C13orf46: variants seen among roughly 807,000 people sequenced by gnomAD.
The protein encoded by C13orf46 is chromosome 13 open reading frame 46.
chr13:113,972,664 CAG>C (rs776665081), intron 1 of C13orf46, among the ~76,000 whole-genome samples: 19 of 152,204 alleles, frequency 1.2e-4, no homozygotes, highest in Non-Finnish European at 2.2e-4. Context: ...TGGACCGACA[CAG>C]GGGCAGCCTA....
the C13orf46 span, among the ~76,000 whole-genome samples, chr13:113,943,711 T>G: frequency 6.6e-6 from 1 of 152,112 alleles, no homozygotes; most frequent in Non-Finnish European, 1.5e-5. Flanking sequence ...GGAACCTTAG[T>G]GTTTTATTTT....
At chr13:113,935,084 C>T in the C13orf46 span, among the ~76,000 whole-genome samples, 7 of 152,222 alleles carry the variant, frequency 4.6e-5, no homozygotes, top group Non-Finnish European at 5.9e-5. Context: ...ATTTTGCTTC[C>T]GACGTTACAA....
At chr13:113,972,674 C>A (rs1566426123) in intron 1 of C13orf46, among the ~76,000 whole-genome samples, 1 of 152,230 alleles carries the variant, frequency 6.6e-6, no homozygotes, top group African/African-American at 2.4e-5. Flanking sequence ...CAGGGGCAGC[C>A]TACACGTTTC....
At chr13:113,959,045 G>A (rs1384886428) in intron 6 of C13orf46, among the ~76,000 whole-genome samples, 4 of 152,198 alleles carry the variant, frequency 2.6e-5, no homozygotes, top group African/African-American at 9.7e-5. Context: ...GGGAGGTTGA[G>A]GCAGGTGGAT....
chr13:113,957,407 A>G (rs1289598211), intron 6 of C13orf46, among the ~76,000 whole-genome samples: 15 of 94,772 alleles, frequency 1.6e-4, no homozygotes, highest in African/African-American at 5.2e-4. Context: ...CTCTGCCTGC[A>G]CCCCCTTTCA....
At chr13:113,939,641 C>A in the C13orf46 span, among the ~76,000 whole-genome samples, 1 of 152,206 alleles carries the variant, frequency 6.6e-6, no homozygotes, top group Non-Finnish European at 1.5e-5. Flanking sequence ...GCTCCAGGTT[C>A]TTAGCCGTGA....
chr13:113,963,223 C>T (rs1391862343), intron 6 of C13orf46, among the ~76,000 whole-genome samples: 2 of 149,786 alleles, frequency 1.3e-5, no homozygotes, highest in African/African-American at 4.9e-5. Flanking sequence ...CTGTCCTCAG[C>T]CTCGGCCCCT....
chr13:113,964,052 T>C (rs2052614186), intron 6 of C13orf46, among the ~76,000 whole-genome samples: 1 of 152,208 alleles, frequency 6.6e-6, no homozygotes, highest in African/African-American at 2.4e-5. Flanking sequence ...GGTTTCACCA[T>C]GTTGGCCAGG....
intron 4 of C13orf46, 73 bp from the exon 5 acceptor site, chr13:113,967,461 G>A (rs2052661175): frequency 6.6e-6 from 1 of 152,326 alleles, no homozygotes; most frequent in Non-Finnish European, 1.5e-5. Flanking sequence ...TTCCCTGGGA[G>A]GAACAGTGGC....
At chr13:113,966,439 G>A (rs2052649226) in intron 5 of C13orf46, among the ~76,000 whole-genome samples, 1 of 150,352 alleles carries the variant, frequency 6.7e-6, no homozygotes, top group Non-Finnish European at 1.5e-5. Context: ...GATGGTGATG[G>A]TATTAATGGT....
downstream of C13orf46, among the ~76,000 whole-genome samples, chr13:113,948,730 A>C (rs1248125766): frequency 6.6e-6 from 1 of 152,240 alleles, no homozygotes; most frequent in African/African-American, 2.4e-5. Flanking sequence ...CTCAGTGTGC[A>C]TGAGCTTATC....
At chr13:113,950,633 C>T (rs988501080), downstream of C13orf46, among the ~76,000 whole-genome samples, 1,442 of 152,334 alleles carry the variant, frequency 9.5e-3, 12 homozygotes, top group Non-Finnish European at 0.013. Context: ...CATTGCAACA[C>T]GGAGAGTTGA....
At chr13:113,933,195 A>C in the C13orf46 span, among the ~76,000 whole-genome samples, 1 of 152,176 alleles carries the variant, frequency 6.6e-6, no homozygotes, top group Non-Finnish European at 1.5e-5. Flanking sequence ...GGTGTGAGGT[A>C]AGGGTTTTGA....
chr13:113,965,836 ATGG>A (rs1320939413), intron 5 of C13orf46, among the ~76,000 whole-genome samples: 25 of 69,130 alleles, frequency 3.6e-4, no homozygotes, highest in South Asian at 1.5e-3. Flanking sequence ...GATAATGGTG[ATGG>A]TGATGATGGT....
Position 113,966,112 on chromosome 13 carries a change from TG to T in C13orf46, c.505-1119del. 3.3e-5 allele frequency among the ~76,000 whole-genome samples: 2 copies of T among 59,822 alleles called. 1 individual carries two copies. Among genetic ancestry groups the T allele is most frequent in the South Asian group, 1.6e-3 (2 of 1,252 alleles). 39.2% of individuals were successfully genotyped at this position (59,822 alleles called of 152,430 possible). A position where few individuals can be genotyped will look rare whatever the true frequency, so the allele number is the denominator to read the frequency against. ...GTATTAATGATGGTGATGATGATGA[TG>T]GTGATGATGGTGATTATAATGGTGA... On this transcript the variant is annotated intron_variant, in intron 5 of 6. Transcript: ENST00000636427.
At position 113,968,777 on chromosome 13, in the gene C13orf46, G is replaced by A. The variant is rs1566423241; in HGVS notation, c.243-17C>T. 1.3e-5 allele frequency: 2 copies of A among 152,504 alleles called. No homozygotes were observed. Among genetic ancestry groups the A allele is most frequent in the East Asian group, 3.9e-4 (2 of 5,178 alleles). The allele number at this position is 152,504 out of a possible 1,614,324, so 9.4% of individuals were successfully genotyped here. The stretch of plus-strand genomic sequence containing the variant: ...TTTTTCTGACTGCGGGAGGAGCAGG[G>A]AAAGTGGTTTGGAAGAGACGGCAGA... On this transcript the variant is annotated splice_polypyrimidine_tract_variant and intron_variant, in intron 2 of 6. Transcript: ENST00000636427.
chr13:113,962,189 G>A (rs1483440432), intron 6 of C13orf46, among the ~76,000 whole-genome samples: 2 of 152,188 alleles, frequency 1.3e-5, no homozygotes, highest in East Asian at 3.8e-4. Context: ...GGATCCTGAG[G>A]TCAGGAGATC....
intron 4 of C13orf46, among the ~76,000 whole-genome samples, chr13:113,968,241 C>T (rs1185062884): frequency 6.6e-6 from 1 of 152,166 alleles, no homozygotes; most frequent in Non-Finnish European, 1.5e-5. Context: ...AGTGACTGCA[C>T]GTTTGGCAAG....
chr13:113,972,124 T>G (rs1279153798), intron 1 of C13orf46, among the ~76,000 whole-genome samples: 3 of 152,062 alleles, frequency 2.0e-5, no homozygotes, highest in African/African-American at 7.2e-5. Flanking sequence ...GCTCAATCCC[T>G]CCCTCCATCC....
Sources: allele counts gnomAD v4.1 joint callset (sites outside exome capture counted in the v4.1 genomes callset), GRCh38; gene constraint gnomAD v4.1.1; transcripts MANE v1.5; gene names NCBI Gene and HGNC (gene_info 2026-07-23, HGNC 2026-07-21).